The following MCM6 variants were observed in gnomAD, a reference collection of about 807,000 sequenced individuals.
MCM6 encodes DNA replication licensing factor MCM6.
A neutral mutation model predicts 94.3 loss-of-function variants in MCM6; 46 were observed. That is an observed-to-expected ratio of 0.49 (90% confidence interval 0.39 to 0.62). The LOEUF (loss-of-function observed/expected upper bound fraction) is 0.62. Among genes scored for constraint, MCM6 ranks in the 20% least tolerant of loss-of-function variants. MCM6 has a pLI of 0.00. For missense variants in MCM6, 865 were observed against 1,017.9 expected, an observed-to-expected ratio of 0.85 and a Z score of 2.04; for synonymous variants, 335 against 351.9, an observed-to-expected ratio of 0.95 and a Z score of 0.54.
intron 14 of MCM6, among the ~76,000 whole-genome samples, chr2:135,847,704 C>A (rs1679697864): frequency 6.6e-6 from 1 of 150,850 alleles, no homozygotes; most frequent in Non-Finnish European, 1.5e-5. Context: ...GCTGGGGCTA[C>A]AGGCAGCCGC....
At chr2:135,845,797 A>C (rs1470888338) in intron 15 of MCM6, among the ~76,000 whole-genome samples, 1 of 152,204 alleles carries the variant, frequency 6.6e-6, no homozygotes, top group Non-Finnish European at 1.5e-5. Flanking sequence ...CAATAACTAC[A>C]TGAGGATTTT....
At chr2:135,873,138 G>C (rs1680234625) in intron 1 of MCM6, among the ~76,000 whole-genome samples, 1 of 152,116 alleles carries the variant, frequency 6.6e-6, no homozygotes, top group East Asian at 1.9e-4. Context: ...GAGATCTGAT[G>C]GTTTTAAAAA....
chr2:135,861,997 A>C (rs1039482819), intron 8 of MCM6, among the ~76,000 whole-genome samples: 4 of 152,194 alleles, frequency 2.6e-5, no homozygotes, highest in Non-Finnish European at 4.4e-5. Flanking sequence ...CCCAGAGGAA[A>C]CAAACAAAAA....
At position 135,854,244 on chromosome 2, in the gene MCM6, T is replaced by C. The variant is rs557284474; in HGVS notation, c.1627-1329A>G. Among the ~76,000 whole-genome samples, 6 of 149,582 alleles carry C rather than the reference T, an allele frequency of 4.0e-5. No individual in the cohort carries two copies. The East Asian group carries it at 9.9e-4, about 25-fold the overall frequency. On this transcript the variant is annotated intron_variant, in intron 11 of 16. Coordinates refer to ENST00000264156, the MANE Select transcript of MCM6 (RefSeq NM_005915.6). ...CCTGTCTCAAAATAAATAACTAAAA[T>C]AAAACAGGCTGGGCCCGGTGGCTCA...
intron 7 of MCM6, among the ~76,000 whole-genome samples, chr2:135,864,564 C>T (rs1043365291): frequency 1.3e-5 from 2 of 152,140 alleles, no homozygotes; most frequent in Non-Finnish European, 2.9e-5. Flanking sequence ...AAGTGCAGCT[C>T]TGTCATAAGG....
At chr2:135,864,933 T>C in intron 7 of MCM6, 80 bp downstream of exon 7, 1 of 1,130,290 alleles carries the variant, frequency 8.8e-7, no homozygotes, top group Non-Finnish European at 1.2e-6. Context: ...CTGATTTATG[T>C]GCTTTCAGAA....
intron 11 of MCM6, 58 bp from the exon 12 acceptor site, chr2:135,852,973 C>A: frequency 6.9e-7 from 1 of 1,455,786 alleles, no homozygotes; most frequent in South Asian, 1.4e-5. Flanking sequence ...TCCAGACTAT[C>A]CCAGGCAATA....
intron 16 of MCM6, among the ~76,000 whole-genome samples, chr2:135,842,282 G>C (rs943569718): frequency 1.3e-5 from 2 of 152,124 alleles, no homozygotes; most frequent in African/African-American, 4.8e-5. Context: ...ACCCTGATCT[G>C]AGTAGCTGTT....
chr2:135,870,666 A>G (rs1226601495), intron 2 of MCM6, among the ~76,000 whole-genome samples: 1 of 152,194 alleles, frequency 6.6e-6, no homozygotes, highest in African/African-American at 2.4e-5. Context: ...CTGAACAATC[A>G]TCTTGTCAAT....
intron 8 of MCM6, among the ~76,000 whole-genome samples, chr2:135,861,840 T>A (rs1196943938): frequency 6.6e-6 from 1 of 152,102 alleles, no homozygotes; most frequent in Non-Finnish European, 1.5e-5. Flanking sequence ...ATGGTCTCCA[T>A]CTCCTGACCT....
chr2:135,862,850 A>T, intron 7 of MCM6, 102 bp from the exon 8 acceptor site: 1 of 1,230,218 alleles, frequency 8.1e-7, no homozygotes, highest in East Asian at 2.4e-5. Flanking sequence ...CGAAAGGCAG[A>T]GTCAGCTAAA....
chr2:135,847,205 A>G (rs1424722126), intron 14 of MCM6, among the ~76,000 whole-genome samples: 1 of 152,162 alleles, frequency 6.6e-6, no homozygotes, highest in Non-Finnish European at 1.5e-5. Flanking sequence ...TATACAAAAT[A>G]AAAAATTCTA....
chr2:135,850,044 G>C (rs1333774398), intron 13 of MCM6, among the ~76,000 whole-genome samples: 1 of 152,034 alleles, frequency 6.6e-6, no homozygotes, highest in African/African-American at 2.4e-5. Flanking sequence ...AAATCAATTA[G>C]AGACTGCCCT....
At chr2:135,847,592 C>A (rs1679693603) in intron 14 of MCM6, among the ~76,000 whole-genome samples, 1 of 152,204 alleles carries the variant, frequency 6.6e-6, no homozygotes, top group African/African-American at 2.4e-5. Context: ...GAGACAGAGT[C>A]TCGCTCTGTC....
chr2:135,868,543 T>C (rs1250755668), intron 4 of MCM6, 68 bp downstream of exon 4: 5 of 1,506,242 alleles, frequency 3.3e-6, no homozygotes, highest in Admixed American at 3.5e-5. Flanking sequence ...AAATAAGCTA[T>C]TGCAAGGGCC....
At position 135,851,389 on chromosome 2, in the gene MCM6, G is replaced by C. The variant is rs769298062; in HGVS notation, c.1917+13C>G. ...TTATCTCTGCTCTCATCATATCAAA[G>C]TGACTCTGATACCTCATCACAGCAG... On this transcript the variant is annotated intron_variant, in intron 13 of 16. Transcript: ENST00000264156. 6.2e-7 allele frequency: 1 copy of C among 1,604,772 alleles called. No individual in the cohort carries two copies. Among genetic ancestry groups the C allele is most frequent in the Non-Finnish European group, 8.5e-7 (1 of 1,173,374 alleles).
chr2:135,851,294 C>T, intron 13 of MCM6, 108 bp downstream of exon 13: 2 of 827,604 alleles, frequency 2.4e-6, no homozygotes, highest in Non-Finnish European at 3.7e-6. Context: ...TCAACAGTTA[C>T]ATAAAAATGT....
chr2:135,856,763 C>T lies in MCM6; in HGVS notation c.1591G>A (p.Asp531Asn). ...NLSAPIMSRF[D>N]LFFILVDECN... is the part of the protein sequence containing the mutation. ...TCATCCACAAGGATAAAGAAGAGAT[C>T]GAATCGGGACATGATGGGAGCTGAC... The change falls in exon 11 of 17, where the codon GAT becomes AAT. Residue 531 changes from aspartate to asparagine, a missense_variant. By Grantham distance (23) the Asp-to-Asn change is conservative. Around this residue, in one of 3 missense-constraint regions of MCM6, gnomAD observed 153 missense variants for 241.5 expected, o/e 0.63. Coordinates refer to ENST00000264156, the MANE Select transcript of MCM6 (RefSeq NM_005915.6). 1.2e-6 allele frequency: 2 copies of T among 1,614,104 alleles called. No individual in the cohort carries two copies. Among genetic ancestry groups the T allele is most frequent in the Non-Finnish European group, 1.7e-6 (2 of 1,180,012 alleles).
intron 8 of MCM6, 91 bp downstream of exon 8, chr2:135,862,516 T>C: frequency 7.5e-7 from 1 of 1,327,776 alleles, no homozygotes; most frequent in Non-Finnish European, 1.1e-6. Context: ...ACACTCCTAG[T>C]AAGGCCATAC....
Sources: allele counts gnomAD v4.1 joint callset (sites outside exome capture counted in the v4.1 genomes callset), GRCh38; gene constraint gnomAD v4.1.1; regional missense constraint gnomAD v4.1.1; transcripts MANE v1.5; gene names NCBI Gene and HGNC (gene_info 2026-07-23, HGNC 2026-07-21).